Variants in ATP9A observed in about 807,000 individuals in gnomAD.
ATP9A encodes ATPase phospholipid transporting 9A.
Under a neutral mutation model 144.1 loss-of-function variants are expected in ATP9A, and 52 were observed. The observed-to-expected ratio is 0.36, with a 90% confidence interval of 0.29 to 0.45. The LOEUF is 0.45. Among genes scored for constraint, ATP9A ranks in the 20% least tolerant of loss-of-function variants. The pLI, the probability that ATP9A is intolerant of heterozygous loss-of-function variation, is 1.00. For synonymous variants in ATP9A, 582 were observed against 557.4 expected (o/e 1.04, Z -0.62); for missense variants, 947 against 1,392.7 (o/e 0.68, Z 5.09).
intron 1 of ATP9A, among the ~76,000 whole-genome samples, chr20:51,748,517 T>C (rs2077817598): frequency 6.6e-6 from 1 of 152,220 alleles, no homozygotes; most frequent in African/African-American, 2.4e-5. Context: ...TGATTCAATT[T>C]TTAAATATTA....
rs375872721 is a variant in ATP9A at position 51,729,998 on chromosome 20, G to T, written c.69-20C>A. On this transcript the variant is annotated intron_variant, in intron 1 of 27. Coordinates refer to ENST00000338821, the MANE Select transcript of ATP9A (RefSeq NM_006045.3). ...CAGCACCTGTGGGAAAGAAACCCAC[G>T]CATCAAGGCCACGCCCACGCATCGA... The T allele has an allele frequency of 4.0e-6, 6 of 1,510,968 alleles. No individual in the cohort carries two copies. Among genetic ancestry groups the T allele is most frequent in the Non-Finnish European group, 5.3e-6 (6 of 1,133,464 alleles). The allele number at this position is 1,510,968 out of a possible 1,614,324, so 93.6% of individuals were successfully genotyped here.
intron 21 of ATP9A, 91 bp from the exon 22 acceptor site, chr20:51,617,645 C>T (rs2077208787): frequency 6.9e-6 from 10 of 1,444,604 alleles, no homozygotes; most frequent in African/African-American, 1.4e-5. Flanking sequence ...TCGTCTTTCA[C>T]GGAGCGCTTG....
At chr20:51,697,260 T>C (rs1846521952) in intron 5 of ATP9A, among the ~76,000 whole-genome samples, 164 bp downstream of exon 5, 1 of 152,038 alleles carries the variant, frequency 6.6e-6, no homozygotes, top group African/African-American at 2.4e-5. Flanking sequence ...TCTGTGTGTG[T>C]GTGTGTCTGT....
At chr20:51,649,928 A>T (rs1290321558) in intron 14 of ATP9A, among the ~76,000 whole-genome samples, 1 of 151,800 alleles carries the variant, frequency 6.6e-6, no homozygotes, top group African/African-American at 2.4e-5. Flanking sequence ...AAAAAAAAAA[A>T]AATCACACAG....
At chr20:51,691,354 G>A (rs1331466409) in intron 7 of ATP9A, among the ~76,000 whole-genome samples, 3 of 152,068 alleles carry the variant, frequency 2.0e-5, no homozygotes, top group East Asian at 1.9e-4. Flanking sequence ...CTGTAATTGC[G>A]GCTACTCAGG....
intron 15 of ATP9A, among the ~76,000 whole-genome samples, chr20:51,630,369 G>A (rs1438183112): frequency 6.6e-6 from 1 of 152,138 alleles, no homozygotes; most frequent in Non-Finnish European, 1.5e-5. Context: ...ATAAATGCCC[G>A]GAAAGTCTTC....
At chr20:51,617,318 T>C (rs76764338) in intron 22 of ATP9A, among the ~76,000 whole-genome samples, 172 bp downstream of exon 22, 5,439 of 152,210 alleles carry the variant, frequency 0.036, 253 homozygotes, top group African/African-American at 0.11. Context: ...CTGTAAGATG[T>C]AGCAATACAG....
At chr20:51,641,868 G>A (rs2077320822) in intron 14 of ATP9A, among the ~76,000 whole-genome samples, 1 of 146,628 alleles carries the variant, frequency 6.8e-6, no homozygotes, top group South Asian at 2.2e-4. Context: ...CACTTCCAGT[G>A]GAGGTGATGC....
chr20:51,670,248 C>G (rs891364925), intron 12 of ATP9A, 139 bp from the exon 13 acceptor site: 4 of 656,172 alleles, frequency 6.1e-6, no homozygotes, highest in African/African-American at 5.5e-5. Flanking sequence ...GGGGAAGACA[C>G]CTGCAGCATT....
In ATP9A at chr20:51,690,109, C is replaced by CAAAAAA. The variant is rs796336088; in HGVS notation, c.723+624_723+629dup. Among the ~76,000 whole-genome samples the CAAAAAA allele has an allele frequency of 4.3e-4, 26 of 59,934 alleles. 2 individuals carry two copies. The highest frequency in any genetic ancestry group is 1.6e-3 in the African/African-American group (24 of 15,222). The allele number at this position is 59,934 out of a possible 152,430, so 39.3% of individuals were successfully genotyped here. A position where few individuals can be genotyped will look rare whatever the true frequency, so the allele number is the denominator to read the frequency against. ...CCTAGGCGACAGAAGGAGACCGTCT[C>CAAAAAA]AAAAAAAAAAAAAAAAAAAAAAAAA... is the stretch of plus-strand genomic sequence containing the variant. On this transcript the variant is annotated intron_variant, in intron 8 of 27. Transcript: ENST00000338821.
chr20:51,739,710 C>T (rs184412039), intron 1 of ATP9A, among the ~76,000 whole-genome samples: 1 of 152,300 alleles, frequency 6.6e-6, no homozygotes, highest in East Asian at 1.9e-4. Flanking sequence ...AGGCTCCAGG[C>T]TTAGCCAGGG....
chr20:51,666,814 C>T (rs1391101768), intron 13 of ATP9A, among the ~76,000 whole-genome samples: 2 of 152,138 alleles, frequency 1.3e-5, no homozygotes, highest in Admixed American at 1.3e-4. Flanking sequence ...GGTTCCACAG[C>T]TGCAAATTTA....
In ATP9A at chr20:51,717,115, T is replaced by A. The variant is rs115190909; in HGVS notation, c.328-4041A>T. On this transcript the variant is annotated intron_variant, in intron 3 of 27. Transcript: ENST00000338821. ...TGAACCTGAAAGGCGGAAGTTACAG[T>A]GAGCTGAGATCTCACCACTGCACTC... Among the ~76,000 whole-genome samples the A allele has an allele frequency of 5.1e-3, 732 of 142,708 alleles. 7 individuals are homozygous for A. Among genetic ancestry groups the A allele is most frequent in the African/African-American group, 0.018 (687 of 37,420 alleles). The allele number at this position is 142,708 out of a possible 152,430, so 93.6% of individuals were successfully genotyped here. A position where few individuals can be genotyped will look rare whatever the true frequency, so the allele number is the denominator to read the frequency against.
chr20:51,676,767 C>A (rs915441417), intron 9 of ATP9A, among the ~76,000 whole-genome samples: 13 of 152,102 alleles, frequency 8.5e-5, no homozygotes, highest in African/African-American at 3.1e-4. Flanking sequence ...GCATGAGCCA[C>A]CACGCCCAAC....
chr20:51,688,834 C>T (rs1158166027), intron 9 of ATP9A, among the ~76,000 whole-genome samples: 2 of 152,100 alleles, frequency 1.3e-5, no homozygotes, highest in African/African-American at 2.4e-5. Context: ...CTACTGCCAG[C>T]ATGGACGCTG....
intron 2 of ATP9A, among the ~76,000 whole-genome samples, chr20:51,726,658 A>G (rs2077714664): frequency 6.6e-6 from 1 of 152,056 alleles, no homozygotes; most frequent in Non-Finnish European, 1.5e-5. Context: ...AGCTCACTGC[A>G]GCCTCGAATT....
At chr20:51,767,698 G>C (rs1347749584) in intron 1 of ATP9A, among the ~76,000 whole-genome samples, 2 of 152,144 alleles carry the variant, frequency 1.3e-5, no homozygotes, top group Non-Finnish European at 2.9e-5. Flanking sequence ...CAAGCGGCCA[G>C]TAGGAGACCC....
At chr20:51,696,620 G>A (rs558332419) in intron 5 of ATP9A, among the ~76,000 whole-genome samples, 57 of 152,278 alleles carry the variant, frequency 3.7e-4, no homozygotes, top group Non-Finnish European at 7.5e-4. Flanking sequence ...AAACTGGGGG[G>A]TGTGGGGAGC....
At chr20:51,663,305 T>C (rs6067885) in intron 13 of ATP9A, among the ~76,000 whole-genome samples, 74,187 of 151,844 alleles carry the variant, frequency 0.49, 18,840 homozygotes, top group East Asian at 0.79. Context: ...TGGCGTTTTG[T>C]CCACCCAGGT....
Sources: allele counts gnomAD v4.1 joint callset (sites outside exome capture counted in the v4.1 genomes callset), GRCh38; gene constraint gnomAD v4.1.1; transcripts MANE v1.5; gene names NCBI Gene and HGNC (gene_info 2026-07-23, HGNC 2026-07-21).